FBXL13: variants seen among roughly 807,000 people sequenced by gnomAD.
The protein encoded by FBXL13 is F-box and leucine-rich repeat protein 13.
A neutral mutation model predicts 83.6 loss-of-function variants in FBXL13; 67 were observed. That is an observed-to-expected ratio of 0.80 (90% CI 0.66 to 0.98). FBXL13 has a LOEUF of 0.98. Ranked by LOEUF, FBXL13 falls within the 50% of genes least tolerant of loss-of-function variation. The pLI, the probability that FBXL13 is intolerant of heterozygous loss-of-function variation, is 0.00. For missense variants in FBXL13, 822 were observed against 866.5 expected (o/e 0.95, Z 0.64); for synonymous variants, 272 against 299.5 (o/e 0.91, Z 0.95).
chr7:102,814,069 C>T (rs538958575), intron 19 of FBXL13, among the ~76,000 whole-genome samples: 53 of 152,070 alleles, frequency 3.5e-4, no homozygotes, highest in South Asian at 1.7e-3. Context: ...AACACTATAA[C>T]ACAGTATTAA....
At chr7:102,967,690 T>G (rs891026557) in intron 7 of FBXL13, among the ~76,000 whole-genome samples, 7 of 152,236 alleles carry the variant, frequency 4.6e-5, no homozygotes, top group Non-Finnish European at 7.3e-5. Flanking sequence ...ATATAGTCTA[T>G]GCTCATGAAA....
At chr7:103,037,569 C>G (rs1216732782) in intron 2 of FBXL13, among the ~76,000 whole-genome samples, 1 of 151,886 alleles carries the variant, frequency 6.6e-6, no homozygotes, top group Non-Finnish European at 1.5e-5. Flanking sequence ...CTTTGGGAGG[C>G]TGAGGTAGGA....
chr7:102,943,955 T>C (rs892597990), intron 8 of FBXL13, among the ~76,000 whole-genome samples: 1 of 152,210 alleles, frequency 6.6e-6, no homozygotes, highest in Admixed American at 6.5e-5. Flanking sequence ...GGAAAATACA[T>C]TCTTGCATCA....
At chr7:102,904,407 A>G (rs1204402933) in intron 11 of FBXL13, among the ~76,000 whole-genome samples, 1 of 150,622 alleles carries the variant, frequency 6.6e-6, no homozygotes, top group Non-Finnish European at 1.5e-5. Flanking sequence ...TTTTTTTTAT[A>G]CTTTAATTTC....
At chr7:102,831,080 T>C (rs2129447273) in intron 18 of FBXL13, among the ~76,000 whole-genome samples, 1 of 152,286 alleles carries the variant, frequency 6.6e-6, no homozygotes, top group South Asian at 2.1e-4. Flanking sequence ...TTTAGGTCTT[T>C]CATCTTGGGC....
intron 8 of FBXL13, among the ~76,000 whole-genome samples, chr7:102,954,264 A>C (rs1585112771): frequency 6.6e-6 from 1 of 152,372 alleles, no homozygotes; most frequent in East Asian, 1.9e-4. Flanking sequence ...AATAATTTTC[A>C]ACCCAGAATT....
intron 17 of FBXL13, among the ~76,000 whole-genome samples, chr7:102,852,125 T>C (rs1254787207): frequency 6.6e-6 from 1 of 152,124 alleles, no homozygotes; most frequent in African/African-American, 2.4e-5. Flanking sequence ...TCGCTCTCCA[T>C]GTAAAATATC....
intron 2 of FBXL13, among the ~76,000 whole-genome samples, chr7:103,034,614 C>T (rs540093308): frequency 2.0e-5 from 3 of 152,250 alleles, no homozygotes; most frequent in South Asian, 2.1e-4. Flanking sequence ...CTGAGGGAGC[C>T]GGTTCCGGCC....
At chr7:102,905,474 A>G (rs1813612554) in intron 11 of FBXL13, among the ~76,000 whole-genome samples, 1 of 151,970 alleles carries the variant, frequency 6.6e-6, no homozygotes, top group Admixed American at 6.6e-5. Flanking sequence ...ATCTTTCTCC[A>G]TTCTTTTATT....
At chr7:103,013,915 A>G (rs1271466752) in intron 6 of FBXL13, among the ~76,000 whole-genome samples, 3 of 152,140 alleles carry the variant, frequency 2.0e-5, no homozygotes, top group African/African-American at 7.2e-5. Flanking sequence ...AAAAACAGAG[A>G]AGATCCAAAT....
At chr7:103,055,216 C>A (rs752488196) in intron 2 of FBXL13, 38 bp from the exon 3 acceptor site, 6 of 1,069,508 alleles carry the variant, frequency 5.6e-6, no homozygotes, top group Non-Finnish European at 7.5e-6. Context: ...AAATTAATTT[C>A]ATTAATTAGT....
chr7:102,832,865 G>A, exon 18 of FBXL13: 1 of 1,614,198 alleles, frequency 6.2e-7, no homozygotes, highest in Non-Finnish European at 8.5e-7. Flanking sequence ...AATGCTGAGA[G>A]ATGTGAGGTT....
At chr7:102,898,321 A>G (rs1013271964) in intron 11 of FBXL13, among the ~76,000 whole-genome samples, 6 of 152,206 alleles carry the variant, frequency 3.9e-5, no homozygotes, top group Admixed American at 6.5e-5. Flanking sequence ...ATGAATGTTC[A>G]TAGAACTTTG....
At chr7:103,000,841 CTTCT>C (rs1413791785) in intron 6 of FBXL13, among the ~76,000 whole-genome samples, 22 of 152,134 alleles carry the variant, frequency 1.4e-4, no homozygotes, top group Admixed American at 8.5e-4. Context: ...ATACAGTGAC[CTTCT>C]TTGTCTCTTT....
chr7:102,885,517 C>T (rs1014321830), intron 11 of FBXL13, among the ~76,000 whole-genome samples: 1 of 151,872 alleles, frequency 6.6e-6, no homozygotes, highest in Admixed American at 6.6e-5. Flanking sequence ...ATTCTGGATA[C>T]CAAGTCCTTA....
intron 6 of FBXL13, among the ~76,000 whole-genome samples, chr7:103,022,058 T>C (rs999801269): frequency 9.9e-5 from 15 of 152,262 alleles, no homozygotes; most frequent in African/African-American, 3.6e-4. Flanking sequence ...CTAGTCACAA[T>C]AGCAAAGACT....
intron 10 of FBXL13, among the ~76,000 whole-genome samples, chr7:102,923,964 G>A (rs1817573288): frequency 1.3e-5 from 2 of 152,164 alleles, no homozygotes; most frequent in Non-Finnish European, 1.5e-5. Context: ...ACTAGGCTGG[G>A]CGCAGTGGCT....
chr7:102,960,287 G>T (rs1032677340), intron 8 of FBXL13, among the ~76,000 whole-genome samples: 1 of 152,008 alleles, frequency 6.6e-6, no homozygotes, highest in Admixed American at 6.6e-5. Context: ...AAACCAGGAA[G>T]AAGTTGAATC....
chr7:102,912,152 C>CATTTGTA (rs768689642), intron 11 of FBXL13, among the ~76,000 whole-genome samples: 2,863 of 152,270 alleles, frequency 0.019, 83 homozygotes, highest in African/African-American at 0.065. Flanking sequence ...GCAACTTATT[C>CATTTGTA]AACCACCCTG....
Sources: allele counts gnomAD v4.1 joint callset (sites outside exome capture counted in the v4.1 genomes callset), GRCh38; gene constraint gnomAD v4.1.1; transcripts MANE v1.5; gene names NCBI Gene and HGNC (gene_info 2026-07-23, HGNC 2026-07-21).